Variants in OPRK1 observed in about 807,000 individuals in gnomAD.
OPRK1 encodes kappa-type opioid receptor.
OPRK1 carries 15 observed loss-of-function variants against 24.5 expected under a neutral mutation model. The observed-to-expected ratio is 0.61, with a 90% confidence interval of 0.41 to 0.94. OPRK1 has a LOEUF of 0.94. OPRK1 is among the 40% of genes least tolerant of loss of function. OPRK1 has a pLI of 0.00. For synonymous variants in OPRK1, 205 were observed against 198.0 expected, an observed-to-expected ratio of 1.04 and a Z score of -0.30; for missense variants, 479 against 507.3, an observed-to-expected ratio of 0.94 and a Z score of 0.54.
intron 2 of OPRK1, chr8:53,242,901 T>C (rs2128809810): frequency 7.8e-7 from 1 of 1,288,334 alleles, no homozygotes; most frequent in Non-Finnish European, 1.0e-6. Context: ...CGTCTTCCAT[T>C]GAAATTCCAA....
intron 2 of OPRK1, among the ~76,000 whole-genome samples, chr8:53,245,985 A>AT (rs982211511): frequency 3.9e-5 from 6 of 152,074 alleles, no homozygotes. Flanking sequence ...CACCTATGCC[A>AT]TTTTTTTGTG....
In OPRK1 at chr8:53,242,872, A is replaced by G. The variant is rs949695880; in HGVS notation, c.258-7761T>C. ...ACACCAGTCCCTTTGGGATCTCTCA[A>G]TTCATCACATGGTTTTGTCGTCTTC... On this transcript the variant is annotated intron_variant, in intron 2 of 3. Coordinates refer to ENST00000265572, the MANE Select transcript of OPRK1 (RefSeq NM_000912.5). 21 of 1,286,826 alleles carry G rather than the reference A, an allele frequency of 1.6e-5. No individual in the cohort carries two copies. In the African/African-American group the frequency reaches 2.9e-4, roughly 18 times the overall value. 79.7% of individuals were successfully genotyped at this position (1,286,826 alleles called of 1,614,324 possible). A position where few individuals can be genotyped will look rare whatever the true frequency, so the allele number is the denominator to read the frequency against.
At position 53,250,102 on chromosome 8, in the gene OPRK1, A is replaced by ACACACACACAC. The variant is rs370445740; in HGVS notation, c.257+678_257+679insGTGTGTGTGTG. On this transcript the variant is annotated intron_variant, in intron 2 of 3. Coordinates refer to ENST00000265572, the MANE Select transcript of OPRK1 (RefSeq NM_000912.5). ...ACACACACACACACACACACACACA[A>ACACACACACAC]ATAAAACCTTCAATTTCTCATGGTG... Among the ~76,000 whole-genome samples, 839 of 144,738 alleles carry ACACACACACAC rather than the reference A, an allele frequency of 5.8e-3. 6 individuals carry two copies. Among genetic ancestry groups the ACACACACACAC allele is most frequent in the African/African-American group, 9.7e-3 (352 of 36,194 alleles). The allele number at this position is 144,738 out of a possible 152,430, so 95.0% of individuals were successfully genotyped here. A position where few individuals can be genotyped will look rare whatever the true frequency, so the allele number is the denominator to read the frequency against.
At chr8:53,248,110 G>A (rs1807277794) in intron 2 of OPRK1, among the ~76,000 whole-genome samples, 1 of 151,294 alleles carries the variant, frequency 6.6e-6, no homozygotes, top group Non-Finnish European at 1.5e-5. Flanking sequence ...ACATTTGAAG[G>A]TCTCCACAGT....
intron 2 of OPRK1, among the ~76,000 whole-genome samples, chr8:53,250,004 C>G (rs935677090): frequency 6.6e-6 from 1 of 151,340 alleles, no homozygotes; most frequent in African/African-American, 2.4e-5. Flanking sequence ...ACTTTGCTTA[C>G]CAAAAAATTA....
chr8:53,226,734 T>A lies in OPRK1; in HGVS notation c.*2563A>T, dbSNP rs1563324342. 1 of 112,356 alleles carries A rather than the reference T, an allele frequency of 8.9e-6. No homozygotes were observed. The highest frequency in any genetic ancestry group is 4.5e-5 in the African/African-American group (1 of 22,032). The allele number at this position is 112,356 out of a possible 1,614,324, so 7.0% of individuals were successfully genotyped here. The stretch of plus-strand genomic sequence containing the variant: ...GTGGTATTTTCCCTGCTACGTTGTT[T>A]ACTTTATCATTCCTTTAAAGCAGTA... On this transcript the variant is annotated 3_prime_UTR_variant, in exon 4 of 4. Transcript: ENST00000265572.
intron 2 of OPRK1, among the ~76,000 whole-genome samples, chr8:53,237,179 A>G (rs982395912): frequency 6.6e-6 from 1 of 152,190 alleles, no homozygotes; most frequent in African/African-American, 2.4e-5. Context: ...GAAGCAGAAA[A>G]GAATGTAGTT....
chr8:53,245,673 G>A (rs1807211559), intron 2 of OPRK1, among the ~76,000 whole-genome samples: 2 of 152,128 alleles, frequency 1.3e-5, no homozygotes, highest in Non-Finnish European at 2.9e-5. Context: ...GACAGTTATG[G>A]CCACACAAAT....
intron 3 of OPRK1, among the ~76,000 whole-genome samples, chr8:53,232,068 G>T (rs932540121): frequency 6.6e-6 from 1 of 152,194 alleles, no homozygotes; most frequent in African/African-American, 2.4e-5. Flanking sequence ...CGTAAAGAGA[G>T]TGCTGAGGCA....
chr8:53,238,411 G>A (rs1268599438), intron 2 of OPRK1: 1 of 436,544 alleles, frequency 2.3e-6, no homozygotes, highest in Non-Finnish European at 3.0e-6. Context: ...TATGAAAAGA[G>A]CAAAGTCCGT....
rs778414652 is a variant in OPRK1 at position 53,234,950 on chromosome 8, TA to T, written c.418del (p.Tyr140ThrfsTer10). On this transcript the variant is annotated frameshift_variant, in exon 3 of 4. Transcript: ENST00000265572. LOFTEE classifies it high-confidence loss of function. ...GGTGAAGATGCTGGTGAACATGTTG[TA>T]GTAATCAATGGAAATTACTATCTTG... ...LCKIVISIDY[Y>X]NMFTSIFTLT... 6.2e-7 allele frequency: 1 copy of T among 1,614,148 alleles called. No individual in the cohort carries two copies. Among genetic ancestry groups the T allele is most frequent in the Non-Finnish European group, 8.5e-7 (1 of 1,180,034 alleles).
intron 2 of OPRK1, among the ~76,000 whole-genome samples, chr8:53,240,448 C>G (rs1211490515): frequency 6.6e-6 from 1 of 152,144 alleles, no homozygotes; most frequent in African/African-American, 2.4e-5. Context: ...TGGTGGCTCT[C>G]TTACAACACT....
rs144306583 is a variant in OPRK1 at position 53,232,935 on chromosome 8, C to T, written c.610+1824G>A. Among the ~76,000 whole-genome samples, 637 of 152,330 alleles carry T rather than the reference C, an allele frequency of 4.2e-3. 4 individuals carry two copies. Among genetic ancestry groups the T allele is most frequent in the African/African-American group, 0.014 (597 of 41,574 alleles). Reference sequence around the variant, plus strand: ...GGAAAATATTAGAGTCAACATTTTACGTTCACAAAGTGAAAGCTTTGCCTC... The same window carrying T: ...GGAAAATATTAGAGTCAACATTTTATGTTCACAAAGTGAAAGCTTTGCCTC... On this transcript the variant is annotated intron_variant, in intron 3 of 3. Coordinates refer to ENST00000265572, the MANE Select transcript of OPRK1 (RefSeq NM_000912.5).
intron 1 of OPRK1, 95 bp from the exon 2 acceptor site, chr8:53,251,180 C>G (rs1807387311): frequency 2.3e-5 from 31 of 1,336,400 alleles, no homozygotes; most frequent in Non-Finnish European, 3.0e-5. Context: ...CGGACTCCCA[C>G]CCGGGCCGCA....
intron 2 of OPRK1, among the ~76,000 whole-genome samples, chr8:53,247,581 G>A (rs939139452): frequency 1.3e-5 from 2 of 152,122 alleles, no homozygotes; most frequent in Non-Finnish European, 2.9e-5. Flanking sequence ...TGATGTCAGA[G>A]GTAGGGCTGC....
chr8:53,236,360 T>G (rs1204982684), intron 2 of OPRK1, among the ~76,000 whole-genome samples: 1 of 152,198 alleles, frequency 6.6e-6, no homozygotes, highest in Non-Finnish European at 1.5e-5. Flanking sequence ...CCAGCCTCAG[T>G]GTCCACTGCC....
At position 53,250,945 on chromosome 8, in the gene OPRK1, G is replaced by A. The variant is rs777230393; in HGVS notation, c.93C>T (p.Pro31=). 3.7e-6 allele frequency: 6 copies of A among 1,610,354 alleles called. No individual in the cohort carries two copies. The highest frequency in any genetic ancestry group is 1.1e-5 in the South Asian group (1 of 90,798). The change falls in exon 2 of 4, where the codon CCC becomes CCT. Residue 31 remains proline, a synonymous_variant. Transcript: ENST00000265572. ...CGTTGCTGTCGGGCTCGGCCCAGCC[G>A]GGAAACCAGGCGCTGCTGTTGGGGG... ...CLPPNSSAWF[P]GWAEPDSNGS... is the part of the protein sequence containing the mutation.
Position 53,251,157 on chromosome 8 carries a change from G to C in OPRK1, c.-48-72C>G. On this transcript the variant is annotated intron_variant, in intron 1 of 3. Coordinates refer to ENST00000265572, the MANE Select transcript of OPRK1 (RefSeq NM_000912.5). ...CCGCGCCCTGGCCAGCGGCGCTGGG[G>C]ACCCGGAGCCTGCGGACTCCCACCC... The C allele has an allele frequency of 1.2e-5, 16 of 1,387,076 alleles. No individual in the cohort carries two copies. In the South Asian group the frequency reaches 2.6e-4, roughly 22 times the overall value. 85.9% of individuals were successfully genotyped at this position (1,387,076 alleles called of 1,614,324 possible). A position where few individuals can be genotyped will look rare whatever the true frequency, so the allele number is the denominator to read the frequency against.
At chr8:53,242,402 T>C (rs1807135433) in intron 2 of OPRK1, 1 of 155,930 alleles carries the variant, frequency 6.4e-6, no homozygotes, top group Admixed American at 6.1e-5. Flanking sequence ...CTAACAATCT[T>C]CATTTCATAG....
Sources: allele counts gnomAD v4.1 joint callset (sites outside exome capture counted in the v4.1 genomes callset), GRCh38; gene constraint gnomAD v4.1.1; transcripts MANE v1.5; gene names NCBI Gene and HGNC (gene_info 2026-07-23, HGNC 2026-07-21).